The following ST18 variants were observed in gnomAD, a reference collection of about 807,000 sequenced individuals.
ST18 encodes the protein suppression of tumorigenicity 18 protein.
In ST18, 50 loss-of-function variants were observed where a neutral mutation model predicts 110.0. The ratio of observed to expected loss-of-function variants is 0.45; its 90% CI spans 0.36 to 0.58. The LOEUF is 0.58. Ranked by LOEUF, ST18 falls within the 20% of genes least tolerant of loss-of-function variation. The pLI is 0.00. For missense variants in ST18, 1,306 were observed against 1,280.1 expected (o/e 1.02, Z -0.31); for synonymous variants, 461 against 452.4 (o/e 1.02, Z -0.24).
At chr8:52,282,585 AC>A (rs1343607755) in intron 2 of ST18, among the ~76,000 whole-genome samples, 1 of 152,018 alleles carries the variant, frequency 6.6e-6, no homozygotes, top group Non-Finnish European at 1.5e-5. Flanking sequence ...CCTCCCTGGC[AC>A]CCCTGGTCTG....
At chr8:52,401,148 C>T (rs1842713071) in intron 2 of ST18, among the ~76,000 whole-genome samples, 1 of 151,924 alleles carries the variant, frequency 6.6e-6, no homozygotes, top group Admixed American at 6.6e-5. Flanking sequence ...TATATTTCTC[C>T]CTTCTCTTCT....
At chr8:52,266,449 A>G (rs2094872644) in intron 2 of ST18, among the ~76,000 whole-genome samples, 1 of 152,094 alleles carries the variant, frequency 6.6e-6, no homozygotes, top group Non-Finnish European at 1.5e-5. Flanking sequence ...AGAAGTGGAC[A>G]GGTGTGGAAT....
At chr8:52,362,653 T>C (rs772500661) in intron 2 of ST18, among the ~76,000 whole-genome samples, 3 of 152,202 alleles carry the variant, frequency 2.0e-5, no homozygotes, top group Non-Finnish European at 2.9e-5. Context: ...TCTGCAAATA[T>C]AATTTTTCAG....
rs551136855 is a variant in ST18 at position 52,269,325 on chromosome 8, T to C, written c.-464-39248A>G. The stretch of plus-strand genomic sequence containing the variant: ...ATGGTTTTCTCCAGGAAAATGGTGA[T>C]GACAGGTGTAACCGGATGCCCCATT... On this transcript the variant is annotated intron_variant, in intron 2 of 25. Coordinates refer to ENST00000689386, the MANE Select transcript of ST18 (RefSeq NM_001352837.2). 2.0e-5 allele frequency among the ~76,000 whole-genome samples: 3 copies of C among 152,316 alleles called. No homozygotes were observed. In the South Asian group the frequency reaches 6.2e-4, roughly 32 times the overall value.
intron 23 of ST18, among the ~76,000 whole-genome samples, chr8:52,124,625 G>T (rs1158713419): frequency 2.0e-5 from 3 of 152,160 alleles, no homozygotes; most frequent in Non-Finnish European, 4.4e-5. Flanking sequence ...TAGGGAATGG[G>T]CAGTATTTCC....
intron 2 of ST18, among the ~76,000 whole-genome samples, chr8:52,275,412 A>T (rs1010076616): frequency 6.6e-6 from 1 of 152,238 alleles, no homozygotes; most frequent in African/African-American, 2.4e-5. Flanking sequence ...GTTTCAGTTT[A>T]TCAACTTTGA....
intron 8 of ST18, among the ~76,000 whole-genome samples, chr8:52,188,522 T>G (rs1278264158): frequency 1.3e-5 from 2 of 152,216 alleles, no homozygotes; most frequent in African/African-American, 4.8e-5. Flanking sequence ...TGCTGAGAAC[T>G]ACAGACCATT....
chr8:52,242,400 C>G (rs1214993060), intron 2 of ST18, among the ~76,000 whole-genome samples: 1 of 152,224 alleles, frequency 6.6e-6, no homozygotes, highest in Admixed American at 6.5e-5. Context: ...AGGCTCTGAC[C>G]AAGCAGCCCC....
chr8:52,281,508 T>C (rs1032041528), intron 2 of ST18, among the ~76,000 whole-genome samples: 1 of 152,180 alleles, frequency 6.6e-6, no homozygotes, highest in Non-Finnish European at 1.5e-5. Context: ...GGAATGTGAA[T>C]AACCTGAACA....
At chr8:52,166,702 A>G in intron 11 of ST18, 150 bp downstream of exon 11, 1 of 1,104,752 alleles carries the variant, frequency 9.1e-7, no homozygotes, top group Non-Finnish European at 1.2e-6. Flanking sequence ...AATACACTAT[A>G]TTTTAAAACC....
At chr8:52,240,232 T>C (rs2093265366) in intron 2 of ST18, among the ~76,000 whole-genome samples, 1 of 152,170 alleles carries the variant, frequency 6.6e-6, no homozygotes, top group Non-Finnish European at 1.5e-5. Context: ...TTATATATAA[T>C]TGATGTATGA....
chr8:52,202,900 C>T (rs1588370136), intron 8 of ST18, among the ~76,000 whole-genome samples: 1 of 151,844 alleles, frequency 6.6e-6, no homozygotes, highest in Non-Finnish European at 1.5e-5. Context: ...GGAGAAGAAA[C>T]TAAACAAGAA....
At chr8:52,256,806 C>T (rs1460015396) in intron 2 of ST18, among the ~76,000 whole-genome samples, 1 of 151,996 alleles carries the variant, frequency 6.6e-6, no homozygotes, top group African/African-American at 2.4e-5. Context: ...AATGACATAC[C>T]ATACTATTCA....
intron 2 of ST18, among the ~76,000 whole-genome samples, chr8:52,353,046 C>CT (rs1369537834): frequency 3.9e-5 from 6 of 152,144 alleles, no homozygotes; most frequent in Admixed American, 3.9e-4. Context: ...CTTTTCCACA[C>CT]TTTTTTGCAC....
intron 2 of ST18, among the ~76,000 whole-genome samples, chr8:52,281,733 G>T (rs1327373462): frequency 6.6e-6 from 1 of 152,158 alleles, no homozygotes; most frequent in Non-Finnish European, 1.5e-5. Flanking sequence ...ATGAAATAAT[G>T]GCATTCGCAG....
chr8:52,180,416 C>G (rs2068926628), intron 8 of ST18, 104 bp from the exon 9 acceptor site: 12 of 1,318,938 alleles, frequency 9.1e-6, no homozygotes, highest in Non-Finnish European at 1.2e-5. Context: ...AAACTTGGGA[C>G]TAGAGGTTTA....
intron 2 of ST18, among the ~76,000 whole-genome samples, chr8:52,341,023 C>T (rs1174731154): frequency 2.0e-5 from 3 of 152,142 alleles, no homozygotes; most frequent in African/African-American, 7.2e-5. Context: ...ATGAGATTGG[C>T]AGTTACCCTA....
At chr8:52,242,480 C>T (rs2093504900) in intron 2 of ST18, among the ~76,000 whole-genome samples, 1 of 152,198 alleles carries the variant, frequency 6.6e-6, no homozygotes, top group Non-Finnish European at 1.5e-5. Flanking sequence ...GGAATGCTAG[C>T]TGACCTTACC....
intron 2 of ST18, among the ~76,000 whole-genome samples, chr8:52,238,261 A>C (rs1384444492): frequency 6.6e-6 from 1 of 152,220 alleles, no homozygotes; most frequent in African/African-American, 2.4e-5. Flanking sequence ...AATTGTACAC[A>C]AATATTCGTA....
Sources: gnomAD v4.1 joint callset for allele counts (sites outside exome capture counted in the v4.1 genomes callset) on GRCh38, gnomAD v4.1.1 for gene constraint, MANE v1.5 for transcripts, NCBI Gene and HGNC (gene_info 2026-07-23, HGNC 2026-07-21) for gene names.